XIRP2: variants seen among roughly 807,000 people sequenced by gnomAD.
XIRP2 encodes xin actin binding repeat containing 2, also known as xin actin-binding repeat-containing protein 2.
A neutral mutation model predicts 277.0 loss-of-function variants in XIRP2; 236 were observed. The ratio of observed to expected loss-of-function variants is 0.85; its 90% CI spans 0.77 to 0.95. The LOEUF is 0.95. XIRP2 is among the 40% of genes least tolerant of loss of function. XIRP2 has a pLI of 0.00. For synonymous variants in XIRP2, 1,490 were observed against 1,416.5 expected, an observed-to-expected ratio of 1.05 and a Z score of -1.17; for missense variants, 4,640 against 4,157.5, an observed-to-expected ratio of 1.12 and a Z score of -3.19.
In XIRP2 at chr2:167,067,011, G is replaced by A. The variant is rs144274652; in HGVS notation, c.409-68898G>A. 2.5e-3 allele frequency among the ~76,000 whole-genome samples: 378 copies of A among 152,000 alleles called. 2 individuals carry two copies. Among genetic ancestry groups the A allele is most frequent in the African/African-American group, 8.6e-3 (358 of 41,480 alleles). On this transcript the variant is annotated intron_variant, in intron 2 of 10. Transcript: ENST00000409195. Reference sequence around the variant, plus strand: ...CAACCATTTGATTAAGATATACTTTGGGGTAGTTCTATTACTTTTATTTTG... The same window carrying A: ...CAACCATTTGATTAAGATATACTTTAGGGTAGTTCTATTACTTTTATTTTG...
chr2:167,186,658 G>T (rs1013281390), intron 3 of XIRP2, among the ~76,000 whole-genome samples: 5 of 152,136 alleles, frequency 3.3e-5, no homozygotes, highest in Non-Finnish European at 7.4e-5. Context: ...CATTTAATAT[G>T]ATTCTCTCAG....
At chr2:167,223,559 G>A (rs1274896798) in intron 5 of XIRP2, among the ~76,000 whole-genome samples, 1 of 152,086 alleles carries the variant, frequency 6.6e-6, no homozygotes, top group African/African-American at 2.4e-5. Context: ...GTGTGTTTTA[G>A]ACTCTTTAAA....
chr2:167,237,232 G>A (rs1694926670), intron 5 of XIRP2, among the ~76,000 whole-genome samples: 1 of 152,138 alleles, frequency 6.6e-6, no homozygotes, highest in Non-Finnish European at 1.5e-5. Flanking sequence ...TACTCAAGTA[G>A]ATACATATTA....
intron 3 of XIRP2, among the ~76,000 whole-genome samples, chr2:167,182,315 T>G (rs148293519): frequency 7.2e-4 from 109 of 152,280 alleles, no homozygotes; most frequent in African/African-American, 2.4e-3. Flanking sequence ...TCTTTAATTC[T>G]AAAAACCTTA....
chr2:166,997,846 A>G (rs1175007307), intron 2 of XIRP2, among the ~76,000 whole-genome samples: 5 of 151,750 alleles, frequency 3.3e-5, no homozygotes, highest in South Asian at 2.1e-4. Context: ...CAGAGCTTGC[A>G]GTGAGCCAAG....
intron 2 of XIRP2, among the ~76,000 whole-genome samples, chr2:166,905,355 A>ATGATG (rs1684489879): frequency 6.6e-6 from 1 of 151,968 alleles, no homozygotes; most frequent in Admixed American, 6.6e-5. Context: ...GTCTATATAA[A>ATGATG]TGATGTAATG....
chr2:167,138,489 C>A (rs147179734), intron 3 of XIRP2, among the ~76,000 whole-genome samples: 5 of 152,162 alleles, frequency 3.3e-5, no homozygotes. Flanking sequence ...GCTCTCACCA[C>A]GTCTATTTTA....
At chr2:167,035,280 A>G (rs1369766551) in intron 2 of XIRP2, among the ~76,000 whole-genome samples, 2 of 152,234 alleles carry the variant, frequency 1.3e-5, no homozygotes, top group Non-Finnish European at 2.9e-5. Context: ...AAGGCTCAGA[A>G]GATGACAGGA....
intron 2 of XIRP2, among the ~76,000 whole-genome samples, chr2:166,980,690 T>C (rs1288213804): frequency 6.6e-6 from 1 of 152,168 alleles, no homozygotes; most frequent in Non-Finnish European, 1.5e-5. Flanking sequence ...AATTCTGGGA[T>C]TACAGGCATG....
rs147631868 is a variant in XIRP2 at position 167,180,581 on chromosome 2, G to A, written c.563-30154G>A. Reference sequence around the variant, plus strand: ...TCATTTTATTGTCTCCTTAATAACAGCTAATCCACTTTCATAGAAGCTTCT... The same window carrying A: ...TCATTTTATTGTCTCCTTAATAACAACTAATCCACTTTCATAGAAGCTTCT... On this transcript the variant is annotated intron_variant, in intron 3 of 10. Coordinates refer to ENST00000409195, the MANE Select transcript of XIRP2 (RefSeq NM_152381.6). Among the ~76,000 whole-genome samples, 288 of 152,238 alleles carry A rather than the reference G, an allele frequency of 1.9e-3. 2 individuals carry two copies. The highest frequency in any genetic ancestry group is 6.5e-3 in the African/African-American group (270 of 41,540).
Position 167,257,909 on chromosome 2 carries a change from A to G in XIRP2, c.*92A>G, listed in dbSNP as rs772798264. On this transcript the variant is annotated 3_prime_UTR_variant, in exon 11 of 11. Transcript: ENST00000409195. Reference sequence around the variant, plus strand: ...ACAAATATACTGTAAACCTCACTTTAAACAACTTTTCAAATCCAAAGGAAA... The same window carrying G: ...ACAAATATACTGTAAACCTCACTTTGAACAACTTTTCAAATCCAAAGGAAA... 21 of 1,611,002 alleles carry G rather than the reference A, an allele frequency of 1.3e-5. No individual in the cohort carries two copies. The highest frequency in any genetic ancestry group is 3.4e-5 in the Admixed American group (2 of 59,474).
chr2:167,040,947 A>G (rs891153443), intron 2 of XIRP2, among the ~76,000 whole-genome samples: 1 of 152,218 alleles, frequency 6.6e-6, no homozygotes, highest in African/African-American at 2.4e-5. Context: ...ATGCCCACAC[A>G]TGCATGGGAC....
At chr2:167,026,165 A>G (rs1193931513) in intron 2 of XIRP2, among the ~76,000 whole-genome samples, 1 of 152,058 alleles carries the variant, frequency 6.6e-6, no homozygotes, top group Non-Finnish European at 1.5e-5. Context: ...TATATTTAGG[A>G]TAGTTAGCTC....
chr2:167,149,457 T>A (rs1691950966), intron 3 of XIRP2, among the ~76,000 whole-genome samples: 1 of 152,102 alleles, frequency 6.6e-6, no homozygotes, highest in Non-Finnish European at 1.5e-5. Flanking sequence ...CAATGAAGAA[T>A]TTGAAAGTGA....
chr2:167,116,024 A>T (rs766336164), intron 2 of XIRP2, among the ~76,000 whole-genome samples: 2 of 152,000 alleles, frequency 1.3e-5, no homozygotes, highest in Non-Finnish European at 2.9e-5. Flanking sequence ...AATTATTTTA[A>T]ATTTGTTGAG....
rs1695006484 is a variant in XIRP2, at chr2:167,239,985, G to C, written c.969+20G>C. On this transcript the variant is annotated intron_variant, in intron 6 of 10. Coordinates refer to ENST00000409195, the MANE Select transcript of XIRP2 (RefSeq NM_152381.6). ...GAAATGGTAACTATTTAGAAAGGCAGTACTTTCAAACAGTTTCCAGGACTG... is the reference window on the plus strand; with the variant it reads ...GAAATGGTAACTATTTAGAAAGGCACTACTTTCAAACAGTTTCCAGGACTG... The C allele has an allele frequency of 6.4e-7, 1 of 1,572,418 alleles. No homozygotes were observed. The highest frequency in any genetic ancestry group is 8.6e-7 in the Non-Finnish European group (1 of 1,164,040).
chr2:167,181,348 A>G (rs1358999387), intron 3 of XIRP2, among the ~76,000 whole-genome samples: 1 of 152,158 alleles, frequency 6.6e-6, no homozygotes, highest in South Asian at 2.1e-4. Context: ...CCTATGCAGT[A>G]TGTCATCCAA....
chr2:166,995,054 G>T (rs1687179793), intron 2 of XIRP2, among the ~76,000 whole-genome samples: 1 of 151,890 alleles, frequency 6.6e-6, no homozygotes, highest in South Asian at 2.1e-4. Flanking sequence ...GCTAATTTTT[G>T]TATTTTTAGT....
rs145215333 is a variant in XIRP2, at chr2:166,937,050, G to T, written c.408+33160G>T. Reference sequence around the variant, plus strand: ...TTGATTGTTCCTATCCATGAGCATGGAATGTTCTTCCATTTGTTTGTGTCC... The same window carrying T: ...TTGATTGTTCCTATCCATGAGCATGTAATGTTCTTCCATTTGTTTGTGTCC... On this transcript the variant is annotated intron_variant, in intron 2 of 10. Coordinates refer to ENST00000409195, the MANE Select transcript of XIRP2 (RefSeq NM_152381.6). 1.9e-3 allele frequency among the ~76,000 whole-genome samples: 287 copies of T among 152,176 alleles called. 4 individuals carry two copies. In the East Asian group the frequency reaches 0.05, roughly 27 times the overall value.
Sources: gnomAD v4.1 joint callset for allele counts (sites outside exome capture counted in the v4.1 genomes callset) on GRCh38, gnomAD v4.1.1 for gene constraint, MANE v1.5 for transcripts, NCBI Gene and HGNC (gene_info 2026-07-23, HGNC 2026-07-21) for gene names.